The following FOSL2 variants were observed in gnomAD, a reference collection of about 807,000 sequenced individuals.
The protein encoded by FOSL2 is fos-related antigen 2.
A neutral mutation model predicts 27.7 loss-of-function variants in FOSL2; 3 were observed. That is an observed-to-expected ratio of 0.11 (90% confidence interval 0.05 to 0.28). FOSL2 has a LOEUF of 0.28. Among genes scored for constraint, FOSL2 ranks in the 10% least tolerant of loss-of-function variants. The pLI is 1.00. For missense variants in FOSL2, 333 were observed against 445.1 expected (o/e 0.75, Z 2.27); for synonymous variants, 179 against 190.1 (o/e 0.94, Z 0.48).
intron 2 of FOSL2, among the ~76,000 whole-genome samples, chr2:28,405,184 A>AAGATT (rs2148089270): frequency 6.6e-6 from 1 of 152,258 alleles, no homozygotes; most frequent in South Asian, 2.1e-4. Flanking sequence ...GGAAATCAGA[A>AAGATT]TCATGCATAA....
rs774253273 is a variant in FOSL2 at position 28,393,689 on chromosome 2, C to T, written c.-32C>T. 161 of 1,521,628 alleles carry T rather than the reference C, an allele frequency of 1.1e-4. No individual in the cohort carries two copies. The highest frequency in any genetic ancestry group is 2.6e-4 in the East Asian group (11 of 41,742). The allele number at this position is 1,521,628 out of a possible 1,614,324, so 94.3% of individuals were successfully genotyped here. A position where few individuals can be genotyped will look rare whatever the true frequency, so the allele number is the denominator to read the frequency against. On this transcript the variant is annotated 5_prime_UTR_variant, in exon 1 of 4. Transcript: ENST00000264716. This position sits in a 1 kb window ranked among gnomAD's most constrained non-coding sequence, Gnocchi z 4.6. Reference sequence around the variant, plus strand: ...CGGCGAGGGCGGGGGAAGAAAAACACCCTGTTTCCTCTCCGGCCCCCACCG... The same window carrying T: ...CGGCGAGGGCGGGGGAAGAAAAACATCCTGTTTCCTCTCCGGCCCCCACCG...
chr2:28,411,537 C>T (rs377366376), intron 3 of FOSL2, among the ~76,000 whole-genome samples: 3 of 152,200 alleles, frequency 2.0e-5, no homozygotes, highest in Admixed American at 6.5e-5. Flanking sequence ...CCTGCTAGCT[C>T]GGTGACTTTG....
Position 28,393,330 on chromosome 2 carries a change from G to C in FOSL2, c.-391G>C. ...CCAGGGCTGGCAGGCCAGGCTCGCT[G>C]GGCTCCTAATCTTTTTTTTAATTTC... On this transcript the variant is annotated 5_prime_UTR_variant, in exon 1 of 4. Coordinates refer to ENST00000264716, the MANE Select transcript of FOSL2 (RefSeq NM_005253.4). The surrounding 1 kb of genome is among the most constrained non-coding windows in gnomAD (Gnocchi z 4.6). The C allele has an allele frequency of 4.4e-6, 1 of 228,242 alleles. No homozygotes were observed. The highest frequency in any genetic ancestry group is 8.5e-6 in the Non-Finnish European group (1 of 118,118). 14.1% of individuals were successfully genotyped at this position (228,242 alleles called of 1,614,324 possible).
chr2:28,406,970 G>T lies in FOSL2; in HGVS notation c.355-1789G>T, dbSNP rs115597059. ...TTGTGGGTGGGTACATGGTGCTGCT[G>T]ACACACTCAAGCTGGAACCATGTTG... On this transcript the variant is annotated intron_variant, in intron 2 of 3. Coordinates refer to ENST00000264716, the MANE Select transcript of FOSL2 (RefSeq NM_005253.4). Among the ~76,000 whole-genome samples the T allele has an allele frequency of 4.0e-3, 613 of 152,276 alleles. 5 individuals carry two copies. Among genetic ancestry groups the T allele is most frequent in the African/African-American group, 0.014 (597 of 41,548 alleles).
rs1263566156 is a variant in FOSL2, at chr2:28,393,931, C to T, written c.102+109C>T. On this transcript the variant is annotated intron_variant, in intron 1 of 3. Coordinates refer to ENST00000264716, the MANE Select transcript of FOSL2 (RefSeq NM_005253.4). This position sits in a 1 kb window ranked among gnomAD's most constrained non-coding sequence, Gnocchi z 4.6. ...CTTTTTCTTGGCGAGAAAATACCTACGGGCCACCGTTGTAAGTTCTGGATT... is the reference window on the plus strand; with the variant it reads ...CTTTTTCTTGGCGAGAAAATACCTATGGGCCACCGTTGTAAGTTCTGGATT... 3 of 779,234 alleles carry T rather than the reference C, an allele frequency of 3.8e-6. No homozygotes were observed. Among genetic ancestry groups the T allele is most frequent in the Non-Finnish European group, 6.2e-6 (3 of 485,266 alleles). The allele number at this position is 779,234 out of a possible 1,614,324, so 48.3% of individuals were successfully genotyped here.
At position 28,413,429 on chromosome 2, in the gene FOSL2, C is replaced by A; in HGVS notation, c.*981C>A. The A allele has an allele frequency of 2.5e-6, 1 of 398,646 alleles. No homozygotes were observed. The highest frequency in any genetic ancestry group is 1.3e-4 in the South Asian group (1 of 7,730). The allele number at this position is 398,646 out of a possible 1,614,324, so 24.7% of individuals were successfully genotyped here. On this transcript the variant is annotated 3_prime_UTR_variant, in exon 4 of 4. Coordinates refer to ENST00000264716, the MANE Select transcript of FOSL2 (RefSeq NM_005253.4). The stretch of plus-strand genomic sequence containing the variant: ...CACACATTATACTCCAAGTCCCTGC[C>A]GGGCTCCGCCTTTCCCCCACCCTGG...
intron 2 of FOSL2, among the ~76,000 whole-genome samples, chr2:28,406,590 C>T (rs1664088427): frequency 6.6e-6 from 1 of 152,240 alleles, no homozygotes; most frequent in African/African-American, 2.4e-5. Flanking sequence ...TTTCCCACCA[C>T]ACCACCTAGG....
chr2:28,410,166 A>G (rs1480347523), intron 3 of FOSL2, among the ~76,000 whole-genome samples: 1 of 152,222 alleles, frequency 6.6e-6, no homozygotes, highest in East Asian at 1.9e-4. Context: ...TGATGCCTGT[A>G]GTAATGGCCC....
chr2:28,395,432 A>G (rs1008784303), intron 1 of FOSL2: 5 of 152,218 alleles, frequency 3.3e-5, no homozygotes, highest in African/African-American at 1.2e-4. Context: ...GGTTTAGCAT[A>G]GACCCTGGGG....
Position 28,408,866 on chromosome 2 carries a change from G to T in FOSL2, c.462G>T (p.Ala154=), listed in dbSNP as rs1392228525. Residue 154 remains alanine, a splice_region_variant and synonymous_variant, in exon 3 of 4, where the codon GCG becomes GCT. Coordinates refer to ENST00000264716, the MANE Select transcript of FOSL2 (RefSeq NM_005253.4). The surrounding 1 kb of genome is among the most constrained non-coding windows in gnomAD (Gnocchi z 4.1). ...GGGAGCTGACAGAGAAGCTGCAGGC[G>T]GTGAGGAACTCTGCGTAGGGTGGGA... is the stretch of plus-strand genomic sequence containing the variant. ...RRRELTEKLQ[A]ETEELEEEKS... The T allele has an allele frequency of 1.9e-6, 3 of 1,603,162 alleles. No individual in the cohort carries two copies. The highest frequency in any genetic ancestry group is 2.7e-5 in the African/African-American group (2 of 74,672).
In FOSL2 at chr2:28,393,747, T is replaced by G; in HGVS notation, c.27T>G (p.Phe9Leu). The change falls in exon 1 of 4, where the codon TTT (phenylalanine) becomes TTG (leucine). Residue 9 changes from phenylalanine (F) to leucine (L), a missense_variant. Coordinates refer to ENST00000264716, the MANE Select transcript of FOSL2 (RefSeq NM_005253.4). The surrounding 1 kb of genome is among the most constrained non-coding windows in gnomAD (Gnocchi z 4.6). Reference sequence around the variant, plus strand: ...TGTACCAGGATTATCCCGGGAACTTTGACACCTCGTCCCGGGGCAGCAGCG... The same window carrying G: ...TGTACCAGGATTATCCCGGGAACTTGGACACCTCGTCCCGGGGCAGCAGCG... Reference protein sequence around the residue: MYQDYPGNFDTSSRGSSGS... With the variant: MYQDYPGNLDTSSRGSSGS... The G allele has an allele frequency of 6.2e-7, 1 of 1,610,422 alleles. No homozygotes were observed. Among genetic ancestry groups the G allele is most frequent in the East Asian group, 2.2e-5 (1 of 44,650 alleles).
intron 3 of FOSL2, chr2:28,410,540 G>C (rs79077874): frequency 0.013 from 12,827 of 985,214 alleles, 107 homozygotes; most frequent in Non-Finnish European, 0.014. Flanking sequence ...TTTCACTCCG[G>C]AATATGCTGT....
rs1430997104 is a variant in FOSL2 at position 28,404,920 on chromosome 2, T to G, written c.354+562T>G. 6.6e-6 allele frequency among the ~76,000 whole-genome samples: 1 copy of G among 152,032 alleles called. No individual in the cohort carries two copies. The highest frequency in any genetic ancestry group is 6.5e-5 in the Admixed American group (1 of 15,280). The stretch of plus-strand genomic sequence containing the variant: ...GGGCCTGGAATGCATGTTCCAGAGG[T>G]GCAGTAACTCTGGGGCCTTAGGAGT... On this transcript the variant is annotated intron_variant, in intron 2 of 3. Transcript: ENST00000264716. This position sits in a 1 kb window ranked among gnomAD's most constrained non-coding sequence, Gnocchi z 4.7.
At chr2:28,396,705 GA>G (rs1477683585) in intron 1 of FOSL2, 1 of 151,602 alleles carries the variant, frequency 6.6e-6, no homozygotes, top group Non-Finnish European at 1.5e-5. Context: ...GATAACTTGT[GA>G]AAATAAATCA....
intron 1 of FOSL2, among the ~76,000 whole-genome samples, chr2:28,401,238 TA>T (rs11377007): frequency 6.3e-3 from 889 of 141,506 alleles, no homozygotes; most frequent in African/African-American, 8.3e-3. Flanking sequence ...CTTGGGGGTT[TA>T]AAAAAAAAAA....
At position 28,404,316 on chromosome 2, in the gene FOSL2, G is replaced by A; in HGVS notation, c.312G>A (p.Lys104=). 1 of 1,614,150 alleles carries A rather than the reference G, an allele frequency of 6.2e-7. No homozygotes were observed. Among genetic ancestry groups the A allele is most frequent in the South Asian group, 1.1e-5 (1 of 91,078 alleles). Residue 104 remains lysine (K), a synonymous_variant, in exon 2 of 4, where the codon AAG becomes AAA. Coordinates refer to ENST00000264716, the MANE Select transcript of FOSL2 (RefSeq NM_005253.4). This position sits in a 1 kb window ranked among gnomAD's most constrained non-coding sequence, Gnocchi z 4.7. ...HMALPRPGVI[K]TIGTTVGRRR... The stretch of plus-strand genomic sequence containing the variant: ...CCCTCCCAAGACCTGGCGTGATCAA[G>A]ACCATTGGCACCACCGTGGGCCGCA...
chr2:28,402,879 A>T (rs1019228314), intron 1 of FOSL2, among the ~76,000 whole-genome samples: 1 of 152,208 alleles, frequency 6.6e-6, no homozygotes, highest in South Asian at 2.1e-4. Context: ...ACTAAGCCTA[A>T]ATTTCTGTCC....
chr2:28,411,818 T>TG, intron 3 of FOSL2, 112 bp from the exon 4 acceptor site: 1 of 1,121,198 alleles, frequency 8.9e-7, no homozygotes, highest in East Asian at 2.4e-5. Context: ...TGTGGTTAGG[T>TG]GTGTGAGCCT....
chr2:28,399,145 G>A (rs1373767325), intron 1 of FOSL2, among the ~76,000 whole-genome samples: 1 of 152,212 alleles, frequency 6.6e-6, no homozygotes. Context: ...AGTCCACAGG[G>A]CTTCATGGCT....
Sources: allele counts gnomAD v4.1 joint callset (sites outside exome capture counted in the v4.1 genomes callset), GRCh38; gene constraint gnomAD v4.1.1; non-coding constraint Gnocchi (gnomAD v3.1); transcripts MANE v1.5; gene names NCBI Gene and HGNC (gene_info 2026-07-23, HGNC 2026-07-21).